Variants in FCHSD2 observed in about 807,000 individuals in gnomAD.
The protein encoded by FCHSD2 is F-BAR and double SH3 domains protein 2.
FCHSD2 carries 38 observed loss-of-function variants against 108.1 expected under a neutral mutation model. That is an observed-to-expected ratio of 0.35 (90% CI 0.27 to 0.46). The LOEUF (loss-of-function observed/expected upper bound fraction) is 0.46, where lower values mean the gene tolerates loss of function less well. Ranked by LOEUF, FCHSD2 falls within the 20% of genes least tolerant of loss-of-function variation. The probability of loss-of-function intolerance (pLI) is 1.00; values close to 1 mark genes in which losing one functional copy is unlikely to be tolerated. For synonymous variants in FCHSD2, 279 were observed against 314.7 expected, an observed-to-expected ratio of 0.89 and a Z score of 1.20; for missense variants, 751 against 897.8, an observed-to-expected ratio of 0.84 and a Z score of 2.09.
chr11:72,880,950 A>G, intron 12 of FCHSD2, among the ~76,000 whole-genome samples: 1 of 152,120 alleles, frequency 6.6e-6, no homozygotes, highest in East Asian at 1.9e-4. Context: ...CATAGGGGAA[A>G]TGCTTCTGGA....
At chr11:72,932,469 T>A (rs891089057) in intron 8 of FCHSD2, among the ~76,000 whole-genome samples, 1 of 152,206 alleles carries the variant, frequency 6.6e-6, no homozygotes. Flanking sequence ...TCTTCACTTA[T>A]TACTCACTCC....
chr11:73,032,735 A>G (rs1858391236), intron 3 of FCHSD2, among the ~76,000 whole-genome samples: 1 of 152,160 alleles, frequency 6.6e-6, no homozygotes, highest in Admixed American at 6.5e-5. Flanking sequence ...TCTAAAAAAA[A>G]AGAGCCTGTA....
chr11:73,043,878 A>G (rs1397235754), intron 3 of FCHSD2, among the ~76,000 whole-genome samples: 1 of 152,176 alleles, frequency 6.6e-6, no homozygotes, highest in East Asian at 1.9e-4. Flanking sequence ...AGATCAAAGG[A>G]GCCTGGACTA....
At chr11:73,018,894 A>T (rs1035728728) in intron 3 of FCHSD2, among the ~76,000 whole-genome samples, 57 of 152,196 alleles carry the variant, frequency 3.7e-4, no homozygotes, top group African/African-American at 1.3e-3. Flanking sequence ...AGTTTATTCC[A>T]TACCTAGAAA....
chr11:72,910,797 G>A (rs945211025), intron 9 of FCHSD2, among the ~76,000 whole-genome samples: 4 of 133,774 alleles, frequency 3.0e-5, no homozygotes, highest in South Asian at 2.4e-4. Context: ...CCCCCTCTCC[G>A]AGAAACACCC....
At position 73,083,757 on chromosome 11, in the gene FCHSD2, AAATT is replaced by A. The variant is rs1859752282; in HGVS notation, c.120-21_120-18del. The A allele has an allele frequency of 6.8e-7, 1 of 1,471,262 alleles. No homozygotes were observed. The highest frequency in any genetic ancestry group is 2.0e-5 in the Admixed American group (1 of 50,854). 91.1% of individuals were successfully genotyped at this position (1,471,262 alleles called of 1,614,324 possible). On this transcript the variant is annotated intron_variant, in intron 2 of 19. Coordinates refer to ENST00000409418, the MANE Select transcript of FCHSD2 (RefSeq NM_014824.3). ...CTGAATGTCCTAAAAATACAAAGAA[AAATT>A]AATTACCAGAAGGATAACTTAATAA...
intron 8 of FCHSD2, among the ~76,000 whole-genome samples, chr11:72,972,157 C>T (rs1857018671): frequency 6.6e-6 from 1 of 152,128 alleles, no homozygotes; most frequent in Non-Finnish European, 1.5e-5. Flanking sequence ...TGCTTCAGTA[C>T]CCCTCATCTA....
Position 72,923,334 on chromosome 11 carries a change from G to A in FCHSD2, c.706-1384C>T, listed in dbSNP as rs549820205. ...AATATACCCAGGAATGGAATTGCTC[G>A]GTCATATGATAACTCTATGTTTAAT... On this transcript the variant is annotated intron_variant, in intron 8 of 19. Transcript: ENST00000409418. Among the ~76,000 whole-genome samples, 15 of 152,200 alleles carry A rather than the reference G, an allele frequency of 9.9e-5. No individual in the cohort carries two copies. The South Asian group carries it at 1.5e-3, about 15-fold the overall frequency.
intron 4 of FCHSD2, among the ~76,000 whole-genome samples, chr11:73,013,733 C>CT (rs372658067): frequency 6.6e-6 from 1 of 152,146 alleles, no homozygotes; most frequent in Non-Finnish European, 1.5e-5. Flanking sequence ...GCTTGCAATA[C>CT]TTTTTTAAAT....
chr11:72,897,097 T>A (rs1855436692), intron 10 of FCHSD2, among the ~76,000 whole-genome samples: 1 of 151,790 alleles, frequency 6.6e-6, no homozygotes, highest in Admixed American at 6.6e-5. Context: ...CCTCCCAAAG[T>A]GCTGGGATTA....
chr11:72,849,956 C>T, intron 13 of FCHSD2, 67 bp from the exon 14 acceptor site: 1 of 1,240,240 alleles, frequency 8.1e-7, no homozygotes, highest in South Asian at 1.3e-5. Context: ...GCCGGAAAAA[C>T]ACTTAAAACC....
At chr11:73,056,325 A>G (rs1010103491) in intron 3 of FCHSD2, among the ~76,000 whole-genome samples, 1 of 152,228 alleles carries the variant, frequency 6.6e-6, no homozygotes, top group Admixed American at 6.5e-5. Context: ...TCTTTGATGC[A>G]AACAAATTGC....
intron 2 of FCHSD2, among the ~76,000 whole-genome samples, chr11:73,126,339 TAAAAAAAAAAAAAAAAA>T (rs61586562): frequency 7.2e-5 from 2 of 27,656 alleles, no homozygotes; most frequent in Non-Finnish European, 1.8e-4. Flanking sequence ...GATTCCATCT[TAAAAAAAAAAAAAAAAA>T]AAAAAAAAAA....
intron 3 of FCHSD2, among the ~76,000 whole-genome samples, chr11:73,075,937 G>A (rs1322364545): frequency 6.6e-6 from 1 of 151,814 alleles, no homozygotes; most frequent in Non-Finnish European, 1.5e-5. Flanking sequence ...TGGGCAACGT[G>A]GCAAAACCTC....
intron 3 of FCHSD2, among the ~76,000 whole-genome samples, chr11:73,072,736 C>G (rs773719396): frequency 9.2e-5 from 14 of 152,088 alleles, no homozygotes; most frequent in Non-Finnish European, 1.8e-4. Flanking sequence ...TCTCTAATAG[C>G]ATTAGACAGA....
At chr11:72,914,914 C>G (rs905236549) in intron 9 of FCHSD2, among the ~76,000 whole-genome samples, 61 of 144,778 alleles carry the variant, frequency 4.2e-4, no homozygotes, top group African/African-American at 1.5e-3. Flanking sequence ...AGCTTCTGCA[C>G]AGCAAAATAA....
At chr11:73,080,812 C>A (rs1272419778) in intron 3 of FCHSD2, among the ~76,000 whole-genome samples, 2 of 151,898 alleles carry the variant, frequency 1.3e-5, no homozygotes, top group Non-Finnish European at 2.9e-5. Flanking sequence ...GGTGTGATGG[C>A]AGGCACCTGT....
chr11:72,890,017 A>G, intron 10 of FCHSD2, 72 bp from the exon 11 acceptor site: 1 of 888,670 alleles, frequency 1.1e-6, no homozygotes, highest in Non-Finnish European at 1.8e-6. Context: ...TTGTAGATGG[A>G]TCAGAAGGCC....
chr11:72,913,146 G>A lies in FCHSD2; in HGVS notation c.828+8682C>T, dbSNP rs558653893. Reference sequence around the variant, plus strand: ...AACAGCAAGGGGGAACTCCATCCCCGTGATTTAATTACCTCCCACTGGCCC... The same window carrying A: ...AACAGCAAGGGGGAACTCCATCCCCATGATTTAATTACCTCCCACTGGCCC... On this transcript the variant is annotated intron_variant, in intron 9 of 19. Transcript: ENST00000409418. 2.6e-4 allele frequency among the ~76,000 whole-genome samples: 39 copies of A among 152,270 alleles called. No homozygotes were observed. The Middle Eastern group carries it at 0.01, about 40-fold the overall frequency.
Sources: allele counts gnomAD v4.1 joint callset (sites outside exome capture counted in the v4.1 genomes callset), GRCh38; gene constraint gnomAD v4.1.1; transcripts MANE v1.5; gene names NCBI Gene and HGNC (gene_info 2026-07-23, HGNC 2026-07-21).